SVIL: variants seen among roughly 807,000 people sequenced by gnomAD.
The protein encoded by SVIL is supervillin.
Under a neutral mutation model 240.4 loss-of-function variants are expected in SVIL, and 101 were observed. That is an observed-to-expected ratio of 0.42 (90% CI 0.36 to 0.50). The LOEUF (loss-of-function observed/expected upper bound fraction) is 0.50. SVIL is among the 20% of genes least tolerant of loss of function. The pLI is 0.01. For synonymous variants in SVIL, 999 were observed against 1,100.0 expected, an observed-to-expected ratio of 0.91 and a Z score of 1.82; for missense variants, 2,512 against 2,818.7, an observed-to-expected ratio of 0.89 and a Z score of 2.46.
At chr10:29,525,727 A>G (rs761473354) in intron 13 of SVIL, among the ~76,000 whole-genome samples, 1 of 152,230 alleles carries the variant, frequency 6.6e-6, no homozygotes, top group Admixed American at 6.5e-5. Context: ...GTAATGCACT[A>G]TATCTTCTGT....
chr10:29,498,399 C>A (rs913077792), intron 18 of SVIL, among the ~76,000 whole-genome samples: 4 of 152,006 alleles, frequency 2.6e-5, no homozygotes, highest in African/African-American at 9.7e-5. Flanking sequence ...GCCTGGGCAA[C>A]AAGAGTGAAA....
intron 3 of SVIL, among the ~76,000 whole-genome samples, chr10:29,640,930 C>T (rs1028276220): frequency 6.6e-6 from 1 of 152,220 alleles, no homozygotes; most frequent in Admixed American, 6.5e-5. Flanking sequence ...GGAGAGTCCC[C>T]CAGCAGTTCT....
At chr10:29,539,390 C>T (rs1253397304) in intron 6 of SVIL, among the ~76,000 whole-genome samples, 4 of 152,172 alleles carry the variant, frequency 2.6e-5, no homozygotes, top group African/African-American at 9.7e-5. Context: ...TGAGTCCAGC[C>T]TCACCAGGAG....
In SVIL at chr10:29,484,990, T is replaced by C. The variant is rs1275724579; in HGVS notation, c.4780-159A>G. On this transcript the variant is annotated intron_variant, in intron 26 of 37. Coordinates refer to ENST00000355867, the MANE Select transcript of SVIL (RefSeq NM_021738.3). This position sits in a 1 kb window ranked among gnomAD's most constrained non-coding sequence, Gnocchi z 4.7. ...CACAAAAAGGCCAGGAGATCTCAGC[T>C]GGCACTGCCCCACCGAGCCAGCCTC... 2.0e-5 allele frequency among the ~76,000 whole-genome samples: 3 copies of C among 151,972 alleles called. No individual in the cohort carries two copies. The highest frequency in any genetic ancestry group is 2.9e-5 in the Non-Finnish European group (2 of 67,984).
In SVIL at chr10:29,624,487, G is replaced by C. The variant is rs894492853; in HGVS notation, c.-201+9933C>G. On this transcript the variant is annotated intron_variant, in intron 1 of 37. Transcript: ENST00000355867. ...TGGGAGGCAGAGGTTGCAGTGAGCT[G>C]AGATCGATCATGTCAGCCTGGGCGA... Among the ~76,000 whole-genome samples, 45 of 152,154 alleles carry C rather than the reference G, an allele frequency of 3.0e-4. 1 individual carries two copies. The highest frequency in any genetic ancestry group is 1.5e-5 in the Non-Finnish European group (1 of 68,030).
At chr10:29,518,924 G>A (rs550844648) in intron 16 of SVIL, among the ~76,000 whole-genome samples, 10 of 152,330 alleles carry the variant, frequency 6.6e-5, no homozygotes, top group African/African-American at 1.9e-4. Context: ...AGTCTGTGAC[G>A]CTGGGTAGCA....
intron 21 of SVIL, 73 bp downstream of exon 21, chr10:29,493,141 C>T: frequency 6.7e-7 from 1 of 1,501,190 alleles, no homozygotes; most frequent in Non-Finnish European, 9.0e-7. Flanking sequence ...GGGGAAAAGC[C>T]TCATGGATGT....
intron 6 of SVIL, among the ~76,000 whole-genome samples, chr10:29,543,387 C>T (rs1385090470): frequency 3.3e-5 from 5 of 152,180 alleles, no homozygotes; most frequent in African/African-American, 1.2e-4. Context: ...CCTACCTATG[C>T]TATTGGCAAC....
intron 2 of SVIL, among the ~76,000 whole-genome samples, chr10:29,565,351 A>G (rs1033874190): frequency 2.6e-5 from 4 of 152,204 alleles, no homozygotes; most frequent in African/African-American, 9.6e-5. Flanking sequence ...GAAACACGCT[A>G]CAAATAGTGC....
chr10:29,727,608 C>T (rs1964365762), intron 1 of SVIL, among the ~76,000 whole-genome samples: 1 of 152,048 alleles, frequency 6.6e-6, no homozygotes, highest in African/African-American at 2.4e-5. Context: ...AGTAACACTG[C>T]TACTGGGGCA....
At chr10:29,732,275 T>C (rs1964665136) in intron 1 of SVIL, among the ~76,000 whole-genome samples, 1 of 152,240 alleles carries the variant, frequency 6.6e-6, no homozygotes, top group Admixed American at 6.5e-5. Flanking sequence ...AATGACATTA[T>C]AACGTTTCTT....
chr10:29,610,023 CT>C (rs1416794102), intron 1 of SVIL, among the ~76,000 whole-genome samples: 1 of 152,208 alleles, frequency 6.6e-6, no homozygotes, highest in East Asian at 1.9e-4. Context: ...CTCCCTCCCC[CT>C]GAGAGACTGG....
intron 1 of SVIL, among the ~76,000 whole-genome samples, chr10:29,629,006 T>A (rs1957982573): frequency 6.6e-6 from 1 of 151,962 alleles, no homozygotes; most frequent in Non-Finnish European, 1.5e-5. Context: ...TGCGGGGACA[T>A]CAAAGTAACC....
intron 16 of SVIL, among the ~76,000 whole-genome samples, chr10:29,518,539 C>G (rs1950360031): frequency 6.6e-6 from 1 of 152,124 alleles, no homozygotes; most frequent in East Asian, 1.9e-4. Context: ...GATAATATTG[C>G]TTTCTTCTGG....
chr10:29,721,258 A>AAACAT (rs1009128498), intron 1 of SVIL, among the ~76,000 whole-genome samples: 3 of 46,996 alleles, frequency 6.4e-5, no homozygotes, highest in African/African-American at 2.6e-4. Flanking sequence ...ACAAACAAAC[A>AAACAT]AAAAAACACC....
chr10:29,637,881 C>T (rs568114271), upstream of SVIL, among the ~76,000 whole-genome samples: 6 of 152,240 alleles, frequency 3.9e-5, no homozygotes, highest in Admixed American at 1.3e-4. Context: ...AGATACTATA[C>T]GAGTACACTT....
intron 33 of SVIL, among the ~76,000 whole-genome samples, chr10:29,466,349 CTCCTT>C (rs1200148639): frequency 2.8e-4 from 43 of 152,182 alleles, no homozygotes; most frequent in Admixed American, 3.9e-4. Flanking sequence ...AGCTATCTGT[CTCCTT>C]TCATCAATTT....
At chr10:29,617,430 A>C (rs1264439981) in intron 1 of SVIL, among the ~76,000 whole-genome samples, 1 of 152,114 alleles carries the variant, frequency 6.6e-6, no homozygotes, top group Non-Finnish European at 1.5e-5. Flanking sequence ...AAATACAAAA[A>C]ATTAGCCAGG....
At chr10:29,495,488 T>G (rs528402034) in intron 18 of SVIL, among the ~76,000 whole-genome samples, 2 of 152,344 alleles carry the variant, frequency 1.3e-5, no homozygotes, top group Admixed American at 1.3e-4. Flanking sequence ...CTGTGAGTTC[T>G]GAGGCCCTTC....
Sources: allele counts gnomAD v4.1 joint callset (sites outside exome capture counted in the v4.1 genomes callset), GRCh38; gene constraint gnomAD v4.1.1; non-coding constraint Gnocchi (gnomAD v3.1); transcripts MANE v1.5; gene names NCBI Gene and HGNC (gene_info 2026-07-23, HGNC 2026-07-21).